SLC13A4: variants seen among roughly 807,000 people sequenced by gnomAD.
The protein encoded by SLC13A4 is Na(+)/sulfate cotransporter SUT-1.
A neutral mutation model predicts 72.7 loss-of-function variants in SLC13A4; 28 were observed. The ratio of observed to expected loss-of-function variants is 0.39; its 90% confidence interval spans 0.29 to 0.53. SLC13A4 has a LOEUF of 0.53. SLC13A4 is among the 20% of genes least tolerant of loss of function. The pLI, the probability that SLC13A4 is intolerant of heterozygous loss-of-function variation, is 0.78. For synonymous variants in SLC13A4, 312 were observed against 325.5 expected (o/e 0.96, Z 0.45); for missense variants, 653 against 788.0 (o/e 0.83, Z 2.05).
At chr7:135,705,844 G>A (rs577958748) in intron 4 of SLC13A4, 194 bp from the exon 5 acceptor site, 80 of 599,636 alleles carry the variant, frequency 1.3e-4, no homozygotes, top group African/African-American at 9.4e-4. Context: ...TGATCCTTGA[G>A]CATTTGGGGG....
At chr7:135,721,312 G>A (rs1796542013) in intron 2 of SLC13A4, 83 bp downstream of exon 2, 3 of 1,530,576 alleles carry the variant, frequency 2.0e-6, no homozygotes, top group Non-Finnish European at 2.7e-6. Context: ...GTCAAGTGCT[G>A]GGTGAATCTC....
intron 8 of SLC13A4, 118 bp from the exon 9 acceptor site, chr7:135,695,605 T>C: frequency 8.5e-7 from 1 of 1,169,992 alleles, no homozygotes; most frequent in Non-Finnish European, 1.2e-6. Flanking sequence ...GAGATAATGA[T>C]AACGATATGG....
intron 13 of SLC13A4, among the ~76,000 whole-genome samples, chr7:135,686,477 G>A (rs948343303): frequency 2.6e-5 from 4 of 152,140 alleles, no homozygotes; most frequent in African/African-American, 9.7e-5. Flanking sequence ...CTGGGTTCAA[G>A]CAATCCTCCC....
At chr7:135,687,637 G>A (rs1795663204) in intron 13 of SLC13A4, among the ~76,000 whole-genome samples, 1 of 152,154 alleles carries the variant, frequency 6.6e-6, no homozygotes, top group East Asian at 1.9e-4. Context: ...TTGTTTCAGA[G>A]CCCCAAGGCC....
intron 2 of SLC13A4, among the ~76,000 whole-genome samples, chr7:135,713,401 G>T (rs1184732574): frequency 6.6e-6 from 1 of 152,030 alleles, no homozygotes; most frequent in Non-Finnish European, 1.5e-5. Flanking sequence ...GCAATCTTGG[G>T]CTCTGAAGTT....
chr7:135,718,104 CGT>C (rs1796472149), intron 2 of SLC13A4, among the ~76,000 whole-genome samples: 14 of 145,804 alleles, frequency 9.6e-5, no homozygotes, highest in Admixed American at 9.4e-4. Context: ...CGCGCGCACG[CGT>C]GCGCGCTAGT....
At chr7:135,725,752 G>C (rs1013227947) in intron 1 of SLC13A4, among the ~76,000 whole-genome samples, 1 of 152,142 alleles carries the variant, frequency 6.6e-6, no homozygotes, top group African/African-American at 2.4e-5. Context: ...CAGACCATGA[G>C]TTTGAGACCA....
intron 9 of SLC13A4, 41 bp downstream of exon 9, chr7:135,695,327 G>T (rs1795876712): frequency 1.2e-6 from 2 of 1,610,976 alleles, no homozygotes; most frequent in Admixed American, 1.7e-5. Flanking sequence ...TGGATCAACA[G>T]GGGGGCTTCA....
chr7:135,685,486 G>A lies in SLC13A4; in HGVS notation c.1608+36C>T, dbSNP rs199572772. ...CCTGCCACTCCAGGCCCCTGGGACA[G>A]CCTGTCTGGATGTCTGGGAGCTCCG... is the stretch of plus-strand genomic sequence containing the variant. On this transcript the variant is annotated intron_variant, in intron 14 of 15. Transcript: ENST00000682651. 1.6e-4 allele frequency: 248 copies of A among 1,599,252 alleles called. No individual in the cohort carries two copies. In the East Asian group the frequency reaches 2.7e-3, roughly 17 times the overall value.
chr7:135,721,419 G>A lies in SLC13A4; in HGVS notation c.204C>T (p.Phe68=), dbSNP rs1179358391. Residue 68 remains phenylalanine, a synonymous_variant, in exon 2 of 16, where the codon TTC becomes TTT. Coordinates refer to ENST00000682651, the MANE Select transcript of SLC13A4 (RefSeq NM_001318192.2). ...AALVPAFLYP[F]FGVLRSNEVA... ...CCTCATTGGACCGGAGGACTCCGAAGAACGGGTAAAGGAAGGCCGGCACCA... is the reference window on the plus strand; with the variant it reads ...CCTCATTGGACCGGAGGACTCCGAAAAACGGGTAAAGGAAGGCCGGCACCA... The A allele has an allele frequency of 1.1e-5, 18 of 1,614,008 alleles. No individual in the cohort carries two copies. The Admixed American group carries it at 3.0e-4, about 27-fold the overall frequency.
At position 135,681,475 on chromosome 7, in the gene SLC13A4, G is replaced by GGTGGTCCTA; in HGVS notation, c.*79_*87dup. ...CGTGGGTCTGGGGTTGTGTGCTCCT[G>GGTGGTCCTA]GTGGTCCTAGTGGTTTTCTTTGCCT... On this transcript the variant is annotated 3_prime_UTR_variant, in exon 16 of 16. Transcript: ENST00000682651. 2 of 1,522,140 alleles carry GGTGGTCCTA rather than the reference G, an allele frequency of 1.3e-6. No individual in the cohort carries two copies. Among genetic ancestry groups the GGTGGTCCTA allele is most frequent in the South Asian group, 1.3e-5 (1 of 78,262 alleles). The allele number at this position is 1,522,140 out of a possible 1,614,324, so 94.3% of individuals were successfully genotyped here. A position where few individuals can be genotyped will look rare whatever the true frequency, so the allele number is the denominator to read the frequency against.
intron 15 of SLC13A4, chr7:135,683,296 C>G (rs1208302798): frequency 6.0e-6 from 1 of 167,032 alleles, no homozygotes; most frequent in Non-Finnish European, 6.9e-6. Flanking sequence ...GATTCTGTCT[C>G]AAAAAAAAAA....
chr7:135,687,609 G>T (rs1795662646), intron 13 of SLC13A4, among the ~76,000 whole-genome samples: 1 of 152,094 alleles, frequency 6.6e-6, no homozygotes, highest in Admixed American at 6.5e-5. Flanking sequence ...AATATGTGCA[G>T]ACTGCATCAA....
At chr7:135,705,516 T>A in intron 5 of SLC13A4, 80 bp downstream of exon 5, 1 of 1,343,944 alleles carries the variant, frequency 7.4e-7, no homozygotes, top group Admixed American at 1.7e-5. Flanking sequence ...AAGAGCTGTT[T>A]ATGGGTCTAG....
chr7:135,681,737 A>G (rs1375879007), intron 15 of SLC13A4, 37 bp from the exon 16 acceptor site: 2 of 1,600,746 alleles, frequency 1.2e-6, no homozygotes, highest in Non-Finnish European at 1.7e-6. Flanking sequence ...AGTCACTCTG[A>G]CCAGCAGCAG....
chr7:135,714,640 C>T (rs868085834), intron 2 of SLC13A4, among the ~76,000 whole-genome samples: 45 of 152,332 alleles, frequency 3.0e-4, no homozygotes, highest in African/African-American at 1.1e-3. Context: ...GACCGGTCAG[C>T]CTCCATGGCG....
chr7:135,727,437 C>T lies in SLC13A4; in HGVS notation c.60G>A (p.Pro20=). The change falls in exon 1 of 16, where the codon CCG becomes CCA. Residue 20 remains proline, a synonymous_variant. Transcript: ENST00000682651. The part of the protein sequence containing the change: ...VRKLLLVVCV[P]LLLLPLPVLH... ...GGACGGGCAGAGGCAGCAGCAGGAG[C>T]GGGACGCAGACGACCAGCAGCAGCT... The T allele has an allele frequency of 1.3e-6, 2 of 1,550,004 alleles. No individual in the cohort carries two copies. The highest frequency in any genetic ancestry group is 8.7e-7 in the Non-Finnish European group (1 of 1,146,920).
chr7:135,726,239 A>C (rs1336543786), intron 1 of SLC13A4, among the ~76,000 whole-genome samples: 1 of 152,184 alleles, frequency 6.6e-6, no homozygotes, highest in South Asian at 2.1e-4. Flanking sequence ...AAAGCAGAAA[A>C]TTGACTAGGG....
intron 2 of SLC13A4, among the ~76,000 whole-genome samples, chr7:135,714,752 G>C (rs548827105): frequency 6.6e-6 from 1 of 152,364 alleles, no homozygotes; most frequent in South Asian, 2.1e-4. Flanking sequence ...CAGGAATCTG[G>C]CGGGTCAGAA....
Sources: gnomAD v4.1 joint callset for allele counts (sites outside exome capture counted in the v4.1 genomes callset) on GRCh38, gnomAD v4.1.1 for gene constraint, MANE v1.5 for transcripts, NCBI Gene and HGNC (gene_info 2026-07-23, HGNC 2026-07-21) for gene names.